Variants in PFKFB3 observed in about 807,000 individuals in gnomAD.
The protein encoded by PFKFB3 is 6-phosphofructo-2-kinase/fructose-2,6-bisphosphatase 3.
In PFKFB3, 33 loss-of-function variants were observed where a neutral mutation model predicts 68.0. That is an observed-to-expected ratio of 0.49 (90% CI 0.37 to 0.65). PFKFB3 has a LOEUF of 0.65. PFKFB3 is among the 30% of genes least tolerant of loss of function. The pLI is 0.00. For missense variants in PFKFB3, 586 were observed against 712.2 expected, an observed-to-expected ratio of 0.82 and a Z score of 2.02; for synonymous variants, 315 against 288.2, an observed-to-expected ratio of 1.09 and a Z score of -0.94.
intron 13 of PFKFB3, chr10:6,224,494 T>A (rs1374994526): frequency 1.1e-5 from 6 of 565,772 alleles, no homozygotes; most frequent in Non-Finnish European, 2.0e-5. Flanking sequence ...TCTTTTTTTT[T>A]ATTTGAGACA....
At chr10:6,317,536 A>T in the PFKFB3 span, among the ~76,000 whole-genome samples, 1 of 152,196 alleles carries the variant, frequency 6.6e-6, no homozygotes, top group Non-Finnish European at 1.5e-5. Flanking sequence ...CATCATGTTC[A>T]TGAAGAAAGA....
At chr10:6,242,394 G>A (rs1422254636) in intron 14 of PFKFB3, among the ~76,000 whole-genome samples, 3 of 152,088 alleles carry the variant, frequency 2.0e-5, no homozygotes, top group Non-Finnish European at 4.4e-5. Flanking sequence ...TGCCCAGGAC[G>A]GGCCTGGCCA....
At chr10:6,304,666 AAATTAAAAATATTAGG>A in the PFKFB3 span, among the ~76,000 whole-genome samples, 2 of 148,730 alleles carry the variant, frequency 1.3e-5, no homozygotes. Flanking sequence ...TTACTATTCT[AAATTAAAAATATTAGG>A]AACTTTTTTT....
At chr10:6,275,378 C>T in the PFKFB3 span, among the ~76,000 whole-genome samples, 1 of 152,214 alleles carries the variant, frequency 6.6e-6, no homozygotes, top group Non-Finnish European at 1.5e-5. This position sits in a 1 kb window ranked among gnomAD's most constrained non-coding sequence, Gnocchi z 4.9. Flanking sequence ...TCGGGGCCTG[C>T]GCCTGACTCA....
the PFKFB3 span, among the ~76,000 whole-genome samples, chr10:6,270,630 C>T: frequency 3.9e-5 from 6 of 152,130 alleles, no homozygotes; most frequent in Non-Finnish European, 7.3e-5. Context: ...AGTAAGGGTC[C>T]GGTTCCCTCT....
chr10:6,192,689 G>A (rs1308231990), intron 1 of PFKFB3, among the ~76,000 whole-genome samples: 1 of 151,552 alleles, frequency 6.6e-6, no homozygotes, highest in African/African-American at 2.4e-5. Context: ...GTGTGTGTGT[G>A]TGTGTGTGTG....
intron 1 of PFKFB3, among the ~76,000 whole-genome samples, chr10:6,188,354 C>G (rs1379912907): frequency 2.6e-5 from 4 of 151,452 alleles, no homozygotes; most frequent in African/African-American, 9.7e-5. Flanking sequence ...TAGAGTGATT[C>G]AAGGTTTCAT....
the PFKFB3 span, among the ~76,000 whole-genome samples, chr10:6,282,372 A>C: frequency 7.2e-5 from 11 of 152,162 alleles, no homozygotes; most frequent in Admixed American, 6.5e-5. Flanking sequence ...TGGGCGGCTC[A>C]ATGTATGTTT....
At chr10:6,203,483 C>T (rs148446465) in intron 1 of PFKFB3, 147 bp downstream of exon 1, 5 of 258,004 alleles carry the variant, frequency 1.9e-5, no homozygotes, top group Non-Finnish European at 2.6e-5. Flanking sequence ...GCGGGCTGCG[C>T]GTCCTTGGCC....
the PFKFB3 span, among the ~76,000 whole-genome samples, chr10:6,318,573 T>G: frequency 6.6e-6 from 1 of 152,204 alleles, no homozygotes; most frequent in South Asian, 2.1e-4. Flanking sequence ...TGCCCTGTTT[T>G]GACTTGCAAC....
the PFKFB3 span, among the ~76,000 whole-genome samples, chr10:6,288,501 A>G: frequency 6.6e-6 from 1 of 151,112 alleles, no homozygotes; most frequent in Admixed American, 6.6e-5. Context: ...ATGATTTCCA[A>G]TTTCATCCAT....
At chr10:6,238,423 C>T (rs964824031), downstream of PFKFB3, among the ~76,000 whole-genome samples, 1 of 143,462 alleles carries the variant, frequency 7.0e-6, no homozygotes, top group South Asian at 2.1e-4. Context: ...CCTTGGCCTC[C>T]CAAAGTGCCG....
At chr10:6,294,962 G>C in the PFKFB3 span, among the ~76,000 whole-genome samples, 1 of 150,586 alleles carries the variant, frequency 6.6e-6, no homozygotes, top group Non-Finnish European at 1.5e-5. Context: ...TCTTCAGAAG[G>C]TGTTTTTTTT....
chr10:6,281,421 G>A, the PFKFB3 span, among the ~76,000 whole-genome samples: 1 of 151,950 alleles, frequency 6.6e-6, no homozygotes, highest in African/African-American at 2.4e-5. Flanking sequence ...AGCCCAGACT[G>A]TGTAGTTTTG....
chr10:6,178,297 C>A (rs750829265), intron 1 of PFKFB3, among the ~76,000 whole-genome samples: 5 of 152,148 alleles, frequency 3.3e-5, no homozygotes, highest in Non-Finnish European at 5.9e-5. Flanking sequence ...CTGTGTGGGG[C>A]GCCCCTGCTG....
chr10:6,150,439 C>T (rs1196268790), intron 1 of PFKFB3, among the ~76,000 whole-genome samples: 2 of 152,132 alleles, frequency 1.3e-5, no homozygotes, highest in South Asian at 2.1e-4. Flanking sequence ...GCCTGACCAA[C>T]ATGGTGAAAC....
intron 1 of PFKFB3, among the ~76,000 whole-genome samples, chr10:6,196,934 T>C (rs75723713): frequency 0.031 from 4,644 of 152,046 alleles, 203 homozygotes; most frequent in African/African-American, 0.1. Context: ...TGAGCCACTG[T>C]ACCTGGCTTG....
chr10:6,221,485 G>A lies in PFKFB3; in HGVS notation c.936G>A (p.Arg312=). The A allele has an allele frequency of 6.2e-7, 1 of 1,613,572 alleles. No homozygotes were observed. The change falls in exon 9 of 15, where the codon CGG becomes CGA. Residue 312 remains arginine, a synonymous_variant. Transcript: ENST00000379775. ...CCATCCAGACGGCCGAGGCGCTGCG[G>A]CTGCCCTACGAGCAGTGGAAGGCGC... ...KSTIQTAEAL[R]LPYEQWKALN... is the part of the protein sequence containing the mutation.
At chr10:6,294,167 C>T in the PFKFB3 span, 4 of 512,772 alleles carry the variant, frequency 7.8e-6, no homozygotes, top group South Asian at 4.3e-5. Context: ...GTTGAGAGAG[C>T]TCTGGATATA....
Sources: gnomAD v4.1 joint callset for allele counts (sites outside exome capture counted in the v4.1 genomes callset) on GRCh38, gnomAD v4.1.1 for gene constraint, Gnocchi (gnomAD v3.1) non-coding constraint, MANE v1.5 for transcripts, NCBI Gene and HGNC (gene_info 2026-07-23, HGNC 2026-07-21) for gene names.